CENPP: variants seen among roughly 807,000 people sequenced by gnomAD.
CENPP encodes centromere protein P.
In CENPP, 24 loss-of-function variants were observed where a neutral mutation model predicts 35.6. The observed-to-expected ratio is 0.67, with a 90% CI of 0.49 to 0.95. The LOEUF (loss-of-function observed/expected upper bound fraction) is 0.95, where lower values mean the gene tolerates loss of function less well. Among genes scored for constraint, CENPP ranks in the 40% least tolerant of loss-of-function variants. The probability of loss-of-function intolerance (pLI) is 0.00; values close to 1 mark genes in which losing one functional copy is unlikely to be tolerated. For synonymous variants in CENPP, 120 were observed against 125.5 expected (o/e 0.96, Z 0.29); for missense variants, 332 against 345.3 (o/e 0.96, Z 0.31).
intron 5 of CENPP, among the ~76,000 whole-genome samples, chr9:92,532,034 A>ATTTTTTTTTTTTTTTTTTTTTTTTTTT (rs58499748): frequency 4.1e-5 from 4 of 98,246 alleles, no homozygotes; most frequent in Non-Finnish European, 8.0e-5. Flanking sequence ...TTTTTATTTT[A>ATTTTTTTTTTTTTTTTTTTTTTTTTTT]TTTTTTTTTT....
chr9:92,412,975 CTTTTTTTT>C (rs35323105), intron 5 of CENPP, among the ~76,000 whole-genome samples: 1 of 45,244 alleles, frequency 2.2e-5, no homozygotes, highest in African/African-American at 1.0e-4. Flanking sequence ...TGTAACTAAG[CTTTTTTTT>C]TTTTTTTTTT....
Position 92,618,220 on chromosome 9 carries a change from G to A in CENPP, c.*5071G>A, listed in dbSNP as rs2131413100. ...TTTTGTTGAGAAAGGCCTGGCTAGA[G>A]TGCTTTGTGCAGGATGGTTCCAGTG... is the stretch of plus-strand genomic sequence containing the variant. On this transcript the variant is annotated 3_prime_UTR_variant, in exon 8 of 8. Coordinates refer to ENST00000375587, the MANE Select transcript of CENPP (RefSeq NM_001012267.3). 1 of 456,664 alleles carries A rather than the reference G, an allele frequency of 2.2e-6. No individual in the cohort carries two copies. Among genetic ancestry groups the A allele is most frequent in the East Asian group, 7.0e-5 (1 of 14,386 alleles). 28.3% of individuals were successfully genotyped at this position (456,664 alleles called of 1,614,324 possible). A position where few individuals can be genotyped will look rare whatever the true frequency, so the allele number is the denominator to read the frequency against.
At chr9:92,604,864 G>C (rs1439105117) in intron 5 of CENPP, among the ~76,000 whole-genome samples, 1 of 152,048 alleles carries the variant, frequency 6.6e-6, no homozygotes, top group African/African-American at 2.4e-5. Flanking sequence ...AAGGTGCTGG[G>C]ATTACAAGCA....
At chr9:92,487,290 T>G (rs1390747840) in intron 5 of CENPP, among the ~76,000 whole-genome samples, 1 of 152,180 alleles carries the variant, frequency 6.6e-6, no homozygotes, top group Non-Finnish European at 1.5e-5. Flanking sequence ...ACAACAGGTC[T>G]GGGCCAGAGA....
intron 5 of CENPP, among the ~76,000 whole-genome samples, chr9:92,588,287 C>T (rs1479355043): frequency 6.6e-6 from 1 of 151,518 alleles, no homozygotes; most frequent in Non-Finnish European, 1.5e-5. Flanking sequence ...CTCGCTCTGT[C>T]GCCCAGGCTG....
At chr9:92,603,068 C>G (rs926892805) in intron 5 of CENPP, among the ~76,000 whole-genome samples, 2 of 152,170 alleles carry the variant, frequency 1.3e-5, no homozygotes, top group African/African-American at 2.4e-5. Flanking sequence ...GGATTACAGG[C>G]ATAAGCCACC....
At chr9:92,511,219 G>A (rs962681681) in intron 5 of CENPP, among the ~76,000 whole-genome samples, 17 of 152,108 alleles carry the variant, frequency 1.1e-4, no homozygotes, top group African/African-American at 3.4e-4. Context: ...TCCGCCTCCC[G>A]AATTCAAGCG....
intron 3 of CENPP, among the ~76,000 whole-genome samples, chr9:92,343,242 A>G (rs1340415348): frequency 6.6e-6 from 1 of 152,178 alleles, no homozygotes; most frequent in African/African-American, 2.4e-5. Context: ...TTATAAGTAA[A>G]TGGATCCAGA....
At chr9:92,454,235 G>C (rs1470387996) in intron 5 of CENPP, among the ~76,000 whole-genome samples, 1 of 152,188 alleles carries the variant, frequency 6.6e-6, no homozygotes, top group Non-Finnish European at 1.5e-5. Flanking sequence ...ACAGCTGGAA[G>C]ATTGAAAATA....
chr9:92,346,271 C>G (rs984173884), intron 4 of CENPP, among the ~76,000 whole-genome samples: 2 of 152,132 alleles, frequency 1.3e-5, no homozygotes, highest in Non-Finnish European at 2.9e-5. Flanking sequence ...AAGCAGTCCT[C>G]CTGCCTTAGC....
chr9:92,614,465 A>AAAG lies in CENPP; in HGVS notation c.*1317_*1319dup, dbSNP rs1182032228. 2 of 152,584 alleles carry AAAG rather than the reference A, an allele frequency of 1.3e-5. No individual in the cohort carries two copies. The highest frequency in any genetic ancestry group is 1.9e-4 in the East Asian group (1 of 5,204). 9.5% of individuals were successfully genotyped at this position (152,584 alleles called of 1,614,324 possible). On this transcript the variant is annotated 3_prime_UTR_variant, in exon 8 of 8. Transcript: ENST00000375587. ...CATTGGAAGTGAGAAGAAAACAGTA[A>AAAG]AAGTGTCCAGTTAGATAAGTATCTT...
At chr9:92,489,708 T>C (rs1846135280) in intron 5 of CENPP, among the ~76,000 whole-genome samples, 1 of 151,684 alleles carries the variant, frequency 6.6e-6, no homozygotes, top group Admixed American at 6.6e-5. Context: ...CCTGCTCAGA[T>C]GTTCGTGTAT....
In CENPP at chr9:92,570,666, T is replaced by C. The variant is rs1329172668; in HGVS notation, c.565-40648T>C. Among the ~76,000 whole-genome samples the C allele has an allele frequency of 4.6e-5, 7 of 152,332 alleles. No individual in the cohort carries two copies. In the South Asian group the frequency reaches 1.0e-3, roughly 23 times the overall value. On this transcript the variant is annotated intron_variant, in intron 5 of 7. Transcript: ENST00000375587. ...CCAGAAGGAATGGTACCAGCTCCTC[T>C]TTGTACCTCTGGTAGAATTCGGCTG... is the stretch of plus-strand genomic sequence containing the variant.
At chr9:92,453,169 C>G (rs1185610203) in intron 5 of CENPP, among the ~76,000 whole-genome samples, 6 of 150,586 alleles carry the variant, frequency 4.0e-5, no homozygotes, top group South Asian at 2.1e-4. Flanking sequence ...TCTTGCTTTT[C>G]TAGTTCTTTT....
At chr9:92,455,870 G>A (rs1330579439) in intron 5 of CENPP, among the ~76,000 whole-genome samples, 3 of 152,188 alleles carry the variant, frequency 2.0e-5, no homozygotes, top group Non-Finnish European at 2.9e-5. Context: ...AGGAGTTCGA[G>A]ACTAGCCTGG....
chr9:92,546,313 C>T (rs1849444621), intron 5 of CENPP, among the ~76,000 whole-genome samples: 1 of 152,180 alleles, frequency 6.6e-6, no homozygotes, highest in Non-Finnish European at 1.5e-5. Context: ...CCCAAGCTAG[C>T]CCTGACAACC....
At chr9:92,455,568 TAA>T (rs1311789986) in intron 5 of CENPP, among the ~76,000 whole-genome samples, 8 of 152,092 alleles carry the variant, frequency 5.3e-5, no homozygotes, top group Non-Finnish European at 7.4e-5. Context: ...CTGTGAAGAA[TAA>T]GACTTTATTT....
intron 5 of CENPP, among the ~76,000 whole-genome samples, chr9:92,437,650 T>A (rs1844281680): frequency 6.6e-6 from 1 of 152,158 alleles, no homozygotes; most frequent in South Asian, 2.1e-4. Context: ...GCTTAAGCGA[T>A]CCACTCTGCT....
intron 5 of CENPP, among the ~76,000 whole-genome samples, chr9:92,394,144 A>C (rs1423998101): frequency 1.3e-5 from 2 of 152,154 alleles, no homozygotes; most frequent in Non-Finnish European, 2.9e-5. Flanking sequence ...GTGATTTTCT[A>C]ATTCCATCAT....
Sources: allele counts gnomAD v4.1 joint callset (sites outside exome capture counted in the v4.1 genomes callset), GRCh38; gene constraint gnomAD v4.1.1; transcripts MANE v1.5; gene names NCBI Gene and HGNC (gene_info 2026-07-23, HGNC 2026-07-21).